The following OARD1 variants were observed in gnomAD, a reference collection of about 807,000 sequenced individuals.
OARD1 encodes O-acyl-ADP-ribose deacylase 1.
In OARD1, 19 loss-of-function variants were observed where a neutral mutation model predicts 19.7. The ratio of observed to expected loss-of-function variants is 0.96; its 90% confidence interval spans 0.67 to 1.41. The LOEUF is 1.41. OARD1 is among the 40% of genes most tolerant of loss of function. The probability of loss-of-function intolerance (pLI) is 0.00; values close to 1 mark genes in which losing one functional copy is unlikely to be tolerated. For synonymous variants in OARD1, 70 were observed against 61.8 expected (o/e 1.13, Z -0.62); for missense variants, 190 against 183.8 (o/e 1.03, Z -0.20).
At chr6:41,088,766 A>C (rs28869187) in intron 1 of OARD1, among the ~76,000 whole-genome samples, 4,442 of 151,954 alleles carry the variant, frequency 0.029, 165 homozygotes, top group East Asian at 0.11. Context: ...TGTATTTTTC[A>C]GTAGATACAG....
Position 41,070,785 on chromosome 6 carries a change from AAG to A in OARD1, c.184+345_184+346del, listed in dbSNP as rs1332071593. On this transcript the variant is annotated intron_variant, in intron 3 of 5. Transcript: ENST00000424266. ...GTGATGGGAGGGGTCTGTAAGGAAGAAGAGGTTTCTAAATTCCTCTTTGAAGA... is the reference window on the plus strand; with the variant it reads ...GTGATGGGAGGGGTCTGTAAGGAAGAAGGTTTCTAAATTCCTCTTTGAAGA... 5.2e-5 allele frequency: 26 copies of A among 498,946 alleles called. No homozygotes were observed. The Admixed American group carries it at 9.2e-4, about 18-fold the overall frequency. The allele number at this position is 498,946 out of a possible 1,614,324, so 30.9% of individuals were successfully genotyped here. A position where few individuals can be genotyped will look rare whatever the true frequency, so the allele number is the denominator to read the frequency against.
intron 1 of OARD1, chr6:41,079,115 A>G (rs145468438): frequency 4.7e-5 from 76 of 1,614,104 alleles, no homozygotes; most frequent in African/African-American, 1.1e-4. Flanking sequence ...GCAAACAGCA[A>G]TAGTTCGACA....
chr6:41,077,144 CATATA>C (rs1561849669), upstream of OARD1, among the ~76,000 whole-genome samples: 1 of 152,112 alleles, frequency 6.6e-6, no homozygotes, highest in Non-Finnish European at 1.5e-5. Flanking sequence ...GAAAAAATCT[CATATA>C]AGAAGGAAAT....
At chr6:41,081,153 G>A (rs1351050321) in intron 1 of OARD1, among the ~76,000 whole-genome samples, 1 of 152,162 alleles carries the variant, frequency 6.6e-6, no homozygotes, top group African/African-American at 2.4e-5. Flanking sequence ...AAAAGAAATG[G>A]TATAAGTGAC....
Position 41,068,929 on chromosome 6 carries a change from T to C in OARD1, c.268A>G (p.Lys90Glu), listed in dbSNP as rs527951524. Residue 90 changes from lysine to glutamate, a missense_variant, in exon 5 of 6, where the codon AAG (lysine) becomes GAG (glutamate). Coordinates refer to ENST00000424266, the MANE Select transcript of OARD1 (RefSeq NM_001329686.2). The part of the protein sequence containing the change: ...YLITKKRASH[K>E]PTYENLQKSL... ...TTCTGTAAGTTTTCATAAGTTGGCT[T>C]GTGCGAAGCCCTTTTCTTTGTAATC... 1.9e-5 allele frequency: 30 copies of C among 1,607,190 alleles called. No individual in the cohort carries two copies. The highest frequency in any genetic ancestry group is 3.4e-5 in the Admixed American group (2 of 59,344).
chr6:41,089,905 G>C (rs1412424946), intron 1 of OARD1, among the ~76,000 whole-genome samples: 1 of 152,118 alleles, frequency 6.6e-6, no homozygotes, highest in Non-Finnish European at 1.5e-5. Flanking sequence ...TGATCACAAG[G>C]TCAAGAGATC....
intron 1 of OARD1, among the ~76,000 whole-genome samples, chr6:41,084,472 GAAAC>G (rs950571445): frequency 6.6e-6 from 1 of 152,030 alleles, no homozygotes; most frequent in African/African-American, 2.4e-5. Context: ...TATTTTAAAA[GAAAC>G]AAAAATGAGT....
At chr6:41,069,181 T>C (rs1049182527) in intron 4 of OARD1, 11 of 348,790 alleles carry the variant, frequency 3.2e-5, no homozygotes, top group Non-Finnish European at 5.2e-5. Flanking sequence ...CGTAGCAATC[T>C]TTCCTTTTCC....
intron 1 of OARD1, among the ~76,000 whole-genome samples, 188 bp downstream of exon 1, chr6:41,072,047 GA>G (rs1763457379): frequency 6.6e-6 from 1 of 152,232 alleles, no homozygotes; most frequent in South Asian, 2.1e-4. Context: ...TGGCTTAGAA[GA>G]AAACAGAAGG....
chr6:41,092,456 CTG>C (rs2113817489), intron 1 of OARD1, among the ~76,000 whole-genome samples: 1 of 152,254 alleles, frequency 6.6e-6, no homozygotes, highest in East Asian at 1.9e-4. Flanking sequence ...GTACAGGACT[CTG>C]TTACTTGTTT....
At chr6:41,096,534 C>A (rs1409391336) in intron 1 of OARD1, among the ~76,000 whole-genome samples, 1 of 152,222 alleles carries the variant, frequency 6.6e-6, no homozygotes, top group Non-Finnish European at 1.5e-5. Flanking sequence ...CTGTGTAGCA[C>A]CATACCTAGT....
intron 1 of OARD1, chr6:41,089,665 C>A (rs1561854633): frequency 7.4e-6 from 12 of 1,612,700 alleles, no homozygotes; most frequent in Non-Finnish European, 9.3e-6. Context: ...CCCAGCAGAT[C>A]ATCATCCAGC....
intron 1 of OARD1, among the ~76,000 whole-genome samples, chr6:41,092,621 C>T (rs949169897): frequency 2.0e-5 from 3 of 151,990 alleles, no homozygotes; most frequent in African/African-American, 7.3e-5. Context: ...CTGTTCCTGA[C>T]CATTAGATGG....
At chr6:41,090,578 A>T (rs9471474) in intron 1 of OARD1, among the ~76,000 whole-genome samples, 33,680 of 152,128 alleles carry the variant, frequency 0.22, 5,397 homozygotes, top group African/African-American at 0.45. Context: ...AAACAGAAGA[A>T]TAGAAATAGG....
At position 41,070,107 on chromosome 6, in the gene OARD1, A is replaced by C. The variant is rs759431327; in HGVS notation, c.212T>G (p.Leu71Arg). ...ATATATATATCGCCCATCTCTCTTC[A>C]GAACAGCCACTTCTCCAGATTTCTT... ...QQKKSGEVAV[L>R]KRDGRYIYYL... is the part of the protein sequence containing the mutation. Residue 71 changes from leucine to arginine, a missense_variant, in exon 4 of 6, where the codon CTG (leucine) becomes CGG (arginine). Leu to Arg is a moderately radical substitution (Grantham distance 102, BLOSUM62 -2). Coordinates refer to ENST00000424266, the MANE Select transcript of OARD1 (RefSeq NM_001329686.2). 4 of 1,594,962 alleles carry C rather than the reference A, an allele frequency of 2.5e-6. No homozygotes were observed. In the South Asian group the frequency reaches 4.5e-5, roughly 18 times the overall value.
rs928883623 is a variant in OARD1, at chr6:41,072,325, C to T, written c.-131G>A. ...GCTCAAAGCCCCAACGTACCCAAGT[C>T]ACCCTTCACCTGGAAAGGAGTCGGT... On this transcript the variant is annotated 5_prime_UTR_variant, in exon 1 of 6. Coordinates refer to ENST00000424266, the MANE Select transcript of OARD1 (RefSeq NM_001329686.2). 2.0e-5 allele frequency: 3 copies of T among 152,408 alleles called. No individual in the cohort carries two copies. The highest frequency in any genetic ancestry group is 7.2e-5 in the African/African-American group (3 of 41,482). 9.4% of individuals were successfully genotyped at this position (152,408 alleles called of 1,614,324 possible). A position where few individuals can be genotyped will look rare whatever the true frequency, so the allele number is the denominator to read the frequency against.
At chr6:41,095,788 C>T (rs1329467165) in intron 1 of OARD1, among the ~76,000 whole-genome samples, 2 of 152,154 alleles carry the variant, frequency 1.3e-5, no homozygotes, top group African/African-American at 4.8e-5. Context: ...TTGTTTCCTT[C>T]ACTAGACTGT....
intron 1 of OARD1, chr6:41,084,102 T>C (rs774699992): frequency 6.2e-7 from 1 of 1,614,184 alleles, no homozygotes; most frequent in Non-Finnish European, 8.5e-7. Flanking sequence ...TCACATCAAC[T>C]GGCCAACCCA....
In OARD1 at chr6:41,071,115, T is replaced by C. The variant is rs776826302; in HGVS notation, c.184+17A>G. ...CTCTAGCCAGGGCAAACCAGGTAAG[T>C]GGTTTCCAAAACTCACGTTGATTTA... is the stretch of plus-strand genomic sequence containing the variant. On this transcript the variant is annotated intron_variant, in intron 3 of 5. Coordinates refer to ENST00000424266, the MANE Select transcript of OARD1 (RefSeq NM_001329686.2). The C allele has an allele frequency of 6.2e-7, 1 of 1,613,780 alleles. No homozygotes were observed. The highest frequency in any genetic ancestry group is 1.1e-5 in the South Asian group (1 of 91,078).
Sources: gnomAD v4.1 joint callset for allele counts (sites outside exome capture counted in the v4.1 genomes callset) on GRCh38, gnomAD v4.1.1 for gene constraint, MANE v1.5 for transcripts, NCBI Gene and HGNC (gene_info 2026-07-23, HGNC 2026-07-21) for gene names.